Variants in ZNRF3 observed in about 807,000 individuals in gnomAD.
ZNRF3 encodes zinc and ring finger 3.
In ZNRF3, 23 loss-of-function variants were observed where a neutral mutation model predicts 72.5. The observed-to-expected ratio is 0.32, with a 90% confidence interval of 0.23 to 0.45. The LOEUF (loss-of-function observed/expected upper bound fraction) is 0.45. Among genes scored for constraint, ZNRF3 ranks in the 20% least tolerant of loss-of-function variants. The pLI is 1.00. For synonymous variants in ZNRF3, 610 were observed against 545.3 expected, an observed-to-expected ratio of 1.12 and a Z score of -1.65; for missense variants, 1,169 against 1,272.1, an observed-to-expected ratio of 0.92 and a Z score of 1.23.
At chr22:28,918,705 G>GCCC (rs2034457644) in intron 1 of ZNRF3, among the ~76,000 whole-genome samples, 3 of 152,130 alleles carry the variant, frequency 2.0e-5, no homozygotes, top group African/African-American at 7.2e-5. Context: ...AGTCAGGGTG[G>GCCC]TATCCTGGGG....
intron 1 of ZNRF3, among the ~76,000 whole-genome samples, chr22:28,952,571 G>A (rs781456087): frequency 1.9e-4 from 29 of 149,628 alleles, no homozygotes; most frequent in Non-Finnish European, 3.7e-4. Flanking sequence ...CCCATTCACA[G>A]TTTGAAAGCC....
rs554195955 is a variant in ZNRF3, at chr22:28,933,207, T to C, written c.300+49141T>C. ...TCCCAACTCTACCATCATCTTCTCT[T>C]TCTTCTCCTTAACTTCTCTGGAAAT... On this transcript the variant is annotated intron_variant, in intron 1 of 8. Transcript: ENST00000544604. 5.3e-5 allele frequency among the ~76,000 whole-genome samples: 8 copies of C among 152,376 alleles called. 1 individual carries two copies. In the East Asian group the frequency reaches 1.5e-3, roughly 29 times the overall value.
At chr22:28,901,634 CCT>C (rs1491206065) in intron 1 of ZNRF3, among the ~76,000 whole-genome samples, 15 of 114,734 alleles carry the variant, frequency 1.3e-4, no homozygotes, top group African/African-American at 3.0e-4. Context: ...GATGGATGGA[CCT>C]TTTTTTTTTT....
At chr22:28,895,825 G>A (rs1333173907) in intron 1 of ZNRF3, among the ~76,000 whole-genome samples, 1 of 152,142 alleles carries the variant, frequency 6.6e-6, no homozygotes, top group African/African-American at 2.4e-5. Context: ...TGCTGCGATG[G>A]TTGAATTCCA....
At chr22:28,956,545 C>T (rs761789305) in intron 1 of ZNRF3, among the ~76,000 whole-genome samples, 126 of 152,132 alleles carry the variant, frequency 8.3e-4, no homozygotes, top group Admixed American at 4.1e-3. Context: ...AAGAGGGACT[C>T]GTCTGCAAAG....
intron 1 of ZNRF3, among the ~76,000 whole-genome samples, chr22:28,897,390 C>T (rs1309300671): frequency 1.3e-5 from 2 of 152,174 alleles, no homozygotes; most frequent in Non-Finnish European, 2.9e-5. Flanking sequence ...ACGTGATCTC[C>T]GTTCACTGCA....
chr22:29,016,202 A>T (rs1044469644), intron 2 of ZNRF3, among the ~76,000 whole-genome samples: 2 of 152,166 alleles, frequency 1.3e-5, no homozygotes, highest in African/African-American at 4.8e-5. Flanking sequence ...TCACATGAAG[A>T]TCTAGATACC....
chr22:29,049,113 C>A lies in ZNRF3; in HGVS notation c.1016-84C>A. 1 of 1,442,022 alleles carries A rather than the reference C, an allele frequency of 6.9e-7. No homozygotes were observed. The highest frequency in any genetic ancestry group is 9.4e-7 in the Non-Finnish European group (1 of 1,066,382). 89.3% of individuals were successfully genotyped at this position (1,442,022 alleles called of 1,614,324 possible). ...CAGGTGACCAAGCCTGCTGCTTCAG[C>A]CTTTGCCCGTTTTAAAAATCCCTTT... On this transcript the variant is annotated intron_variant, in intron 7 of 8. Coordinates refer to ENST00000544604, the MANE Select transcript of ZNRF3 (RefSeq NM_001206998.2). The surrounding 1 kb of genome is among the most constrained non-coding windows in gnomAD (Gnocchi z 5.2).
At chr22:29,016,040 G>A (rs181440924) in intron 2 of ZNRF3, among the ~76,000 whole-genome samples, 4,354 of 136,662 alleles carry the variant, frequency 0.032, 124 homozygotes, top group African/African-American at 0.076. Flanking sequence ...CAAAAAAACT[G>A]AAACTGGCTT....
At chr22:28,954,701 C>T (rs1010663698) in intron 1 of ZNRF3, among the ~76,000 whole-genome samples, 1 of 151,750 alleles carries the variant, frequency 6.6e-6, no homozygotes, top group Non-Finnish European at 1.5e-5. Context: ...GACCATGGCT[C>T]ACCACAGCCT....
intron 1 of ZNRF3, among the ~76,000 whole-genome samples, chr22:28,930,556 C>T (rs2034686916): frequency 6.6e-6 from 1 of 152,232 alleles, no homozygotes. Context: ...GCACAAGCCT[C>T]AGGTTGCTTA....
At chr22:29,016,027 A>C (rs1322693588) in intron 2 of ZNRF3, among the ~76,000 whole-genome samples, 2 of 142,362 alleles carry the variant, frequency 1.4e-5, no homozygotes, top group East Asian at 1.9e-4. Flanking sequence ...AAAAAAAAAA[A>C]AACAAAAAAA....
chr22:29,046,643 G>A (rs1281771537), intron 5 of ZNRF3, 73 bp from the exon 6 acceptor site: 4 of 1,401,676 alleles, frequency 2.9e-6, no homozygotes, highest in East Asian at 2.5e-5. Context: ...AGTGAATCGT[G>A]TGTCATGTCC....
chr22:28,885,569 A>C lies in ZNRF3; in HGVS notation c.300+1503A>C, dbSNP rs111733309. Among the ~76,000 whole-genome samples the C allele has an allele frequency of 4.8e-3, 725 of 150,362 alleles. 9 individuals are homozygous for C. Among genetic ancestry groups the C allele is most frequent in the African/African-American group, 0.017 (701 of 40,612 alleles). On this transcript the variant is annotated intron_variant, in intron 1 of 8. Coordinates refer to ENST00000544604, the MANE Select transcript of ZNRF3 (RefSeq NM_001206998.2). ...TTCATTGTGTCCTGATGGTTTTAGA[A>C]ATGTTTGATTTACAGCCTTCTAAAA...
intron 1 of ZNRF3, among the ~76,000 whole-genome samples, chr22:28,967,350 C>T (rs1368291343): frequency 2.0e-5 from 3 of 152,110 alleles, no homozygotes; most frequent in South Asian, 2.1e-4. Context: ...GTGTGTAGTA[C>T]GCTATTGCAT....
At chr22:28,885,074 G>A (rs574364441) in intron 1 of ZNRF3, among the ~76,000 whole-genome samples, 1 of 152,266 alleles carries the variant, frequency 6.6e-6, no homozygotes, top group Admixed American at 6.5e-5. Context: ...ATGTCTGCAG[G>A]GCCTAAGCTT....
chr22:28,949,574 G>A (rs1293307293), intron 1 of ZNRF3, among the ~76,000 whole-genome samples: 1 of 152,114 alleles, frequency 6.6e-6, no homozygotes, highest in Non-Finnish European at 1.5e-5. Flanking sequence ...CACTGTGCCC[G>A]GCCAAAAATT....
At chr22:29,010,793 C>T (rs1270811952) in intron 2 of ZNRF3, among the ~76,000 whole-genome samples, 1 of 152,176 alleles carries the variant, frequency 6.6e-6, no homozygotes, top group Non-Finnish European at 1.5e-5. Context: ...CTTCAACCTC[C>T]CAAGTAGCTG....
At chr22:28,902,182 C>T (rs1335827236) in intron 1 of ZNRF3, among the ~76,000 whole-genome samples, 1 of 152,086 alleles carries the variant, frequency 6.6e-6, no homozygotes, top group African/African-American at 2.4e-5. Context: ...GGTGATCCAC[C>T]TGCCTTGGCC....
Sources: gnomAD v4.1 joint callset for allele counts (sites outside exome capture counted in the v4.1 genomes callset) on GRCh38, gnomAD v4.1.1 for gene constraint, Gnocchi (gnomAD v3.1) non-coding constraint, MANE v1.5 for transcripts, NCBI Gene and HGNC (gene_info 2026-07-23, HGNC 2026-07-21) for gene names.